The following ARRDC5 variants were observed in gnomAD, a reference collection of about 807,000 sequenced individuals.
The protein encoded by ARRDC5 is arrestin domain containing 5.
ARRDC5 carries 12 observed loss-of-function variants against 13.3 expected under a neutral mutation model. That is an observed-to-expected ratio of 0.90 (90% CI 0.58 to 1.46). The LOEUF is 1.46. Among genes scored for constraint, ARRDC5 ranks in the 40% most tolerant of loss-of-function variants. The pLI is 0.00. For missense variants in ARRDC5, 406 were observed against 418.7 expected (o/e 0.97, Z 0.26); for synonymous variants, 181 against 173.4 (o/e 1.04, Z -0.34).
intron 1 of ARRDC5, among the ~76,000 whole-genome samples, chr19:4,898,140 G>A (rs969777509): frequency 2.0e-5 from 3 of 151,940 alleles, no homozygotes; most frequent in Non-Finnish European, 1.5e-5. Flanking sequence ...GAAAACTTTC[G>A]CCCTCATAGA....
At chr19:4,902,390 T>C (rs1032537523) in intron 1 of ARRDC5, among the ~76,000 whole-genome samples, 183 bp downstream of exon 1, 1 of 152,220 alleles carries the variant, frequency 6.6e-6, no homozygotes, top group African/African-American at 2.4e-5. Context: ...CCTTATGTCT[T>C]GTTATTTTTG....
chr19:4,906,832 C>G (rs1260863229), upstream of ARRDC5, among the ~76,000 whole-genome samples: 1 of 152,230 alleles, frequency 6.6e-6, no homozygotes, highest in Non-Finnish European at 1.5e-5. Flanking sequence ...GCGCTACAAA[C>G]AGATGATGTG....
the ARRDC5 span, among the ~76,000 whole-genome samples, chr19:4,914,741 C>G: frequency 4.6e-5 from 7 of 151,952 alleles, no homozygotes; most frequent in African/African-American, 1.7e-4. Context: ...ACGCTCTGCA[C>G]TGTACATAAT....
chr19:4,899,254 G>A (rs534045086), intron 1 of ARRDC5, among the ~76,000 whole-genome samples: 1 of 151,938 alleles, frequency 6.6e-6, no homozygotes, highest in Non-Finnish European at 1.5e-5. Flanking sequence ...GGAGCTTGCA[G>A]TGAGCCGAGA....
At chr19:4,911,860 C>T in the ARRDC5 span, among the ~76,000 whole-genome samples, 8 of 152,008 alleles carry the variant, frequency 5.3e-5, no homozygotes, top group Middle Eastern at 3.4e-3. Context: ...TTGGTTGGAC[C>T]GTGGGGACGG....
chr19:4,916,628 G>A, the ARRDC5 span, among the ~76,000 whole-genome samples: 1 of 151,866 alleles, frequency 6.6e-6, no homozygotes, highest in East Asian at 1.9e-4. Context: ...ATGCCCTCGC[G>A]GCGCCGTCCA....
At chr19:4,893,266 G>A (rs1041586389) in intron 2 of ARRDC5, among the ~76,000 whole-genome samples, 18 of 143,970 alleles carry the variant, frequency 1.3e-4, no homozygotes, top group Admixed American at 1.0e-3. Context: ...AGCACTTTGG[G>A]GGGCCGAGGC....
chr19:4,904,304 G>A (rs2032016660), upstream of ARRDC5, among the ~76,000 whole-genome samples: 6 of 151,852 alleles, frequency 4.0e-5, no homozygotes, highest in South Asian at 8.3e-4. Context: ...TCAGCTTCCC[G>A]AGTAGCTGGG....
chr19:4,903,636 G>C (rs2031995192), upstream of ARRDC5: 1 of 152,012 alleles, frequency 6.6e-6, no homozygotes, highest in African/African-American at 2.4e-5. Context: ...CCAAGTACCT[G>C]AGATTACAGG....
chr19:4,899,765 A>C (rs2656931), intron 1 of ARRDC5, among the ~76,000 whole-genome samples: 1 of 63,406 alleles, frequency 1.6e-5, no homozygotes, highest in African/African-American at 1.1e-4. Flanking sequence ...CCGTCTCTAC[A>C]AAAAAAAAAA....
chr19:4,892,432 A>G (rs1313436970), intron 2 of ARRDC5, among the ~76,000 whole-genome samples: 1 of 145,992 alleles, frequency 6.8e-6, no homozygotes, highest in Non-Finnish European at 1.5e-5. Context: ...TGGTGCACTC[A>G]TGGCTCACTG....
chr19:4,900,214 C>G (rs1185435673), intron 1 of ARRDC5, among the ~76,000 whole-genome samples: 2 of 126,976 alleles, frequency 1.6e-5, no homozygotes, highest in Non-Finnish European at 3.1e-5. Context: ...GTGGCGTGAT[C>G]TCGGCTCACC....
upstream of ARRDC5, among the ~76,000 whole-genome samples, chr19:4,907,137 C>A (rs1454796407): frequency 6.6e-6 from 1 of 152,168 alleles, no homozygotes; most frequent in African/African-American, 2.4e-5. Flanking sequence ...GTTGATAGAG[C>A]CTTGCTCTGT....
the ARRDC5 span, among the ~76,000 whole-genome samples, chr19:4,914,751 T>A: frequency 6.6e-6 from 1 of 151,746 alleles, no homozygotes; most frequent in South Asian, 2.1e-4. Flanking sequence ...CTGTACATAA[T>A]CTTTTCAGCA....
chr19:4,905,745 T>C (rs1018493218), upstream of ARRDC5, among the ~76,000 whole-genome samples: 1 of 152,142 alleles, frequency 6.6e-6, no homozygotes, highest in Non-Finnish European at 1.5e-5. Flanking sequence ...CTTGATCTCC[T>C]GACCTCAGTG....
At chr19:4,892,081 G>C (rs1044000734) in intron 2 of ARRDC5, among the ~76,000 whole-genome samples, 3 of 151,824 alleles carry the variant, frequency 2.0e-5, no homozygotes, top group Admixed American at 6.6e-5. Flanking sequence ...AGCATGTTTT[G>C]TTTTTTGTTT....
intron 1 of ARRDC5, 60 bp from the exon 2 acceptor site, chr19:4,896,936 CT>C (rs35308440): frequency 0.037 from 32,041 of 876,206 alleles, 1 homozygote; most frequent in East Asian, 0.094. Context: ...CCTTCTTCTT[CT>C]TTTTTTTTTT....
At chr19:4,909,036 C>T in the ARRDC5 span, among the ~76,000 whole-genome samples, 1 of 152,156 alleles carries the variant, frequency 6.6e-6, no homozygotes, top group Admixed American at 6.5e-5. Flanking sequence ...CAGGCCCTGA[C>T]GCCAGGCAGT....
chr19:4,902,619 G>A lies in ARRDC5; in HGVS notation c.207C>T (p.Asn69=), dbSNP rs1312276367. ...SCDYSRNVIC[N]NKADYVHKTK... ...TCTTATGCACGTAGTCTGCCTTGTT[G>A]TTGCAAATAACATTTCTGCTATAAT... is the stretch of plus-strand genomic sequence containing the variant. Residue 69 remains asparagine, a synonymous_variant, in exon 1 of 3, where the codon AAC becomes AAT. Coordinates refer to ENST00000650722, the MANE Select transcript of ARRDC5 (RefSeq NM_001080523.3). The A allele has an allele frequency of 6.2e-7, 1 of 1,613,882 alleles. No individual in the cohort carries two copies. Among genetic ancestry groups the A allele is most frequent in the Non-Finnish European group, 8.5e-7 (1 of 1,179,908 alleles).
Sources: allele counts gnomAD v4.1 joint callset (sites outside exome capture counted in the v4.1 genomes callset), GRCh38; gene constraint gnomAD v4.1.1; transcripts MANE v1.5; gene names NCBI Gene and HGNC (gene_info 2026-07-23, HGNC 2026-07-21).